Variants in GALNT17 observed in about 807,000 individuals in gnomAD.
GALNT17 encodes polypeptide N-acetylgalactosaminyltransferase 17, also known as UDP-GalNAc:polypeptide N-acetylgalactosaminyltransferase-like 3.
In GALNT17, 29 loss-of-function variants were observed where a neutral mutation model predicts 63.7. The ratio of observed to expected loss-of-function variants is 0.46; its 90% CI spans 0.34 to 0.62. The LOEUF is 0.62. GALNT17 is among the 20% of genes least tolerant of loss of function. GALNT17 has a pLI of 0.01. For synonymous variants in GALNT17, 305 were observed against 318.3 expected (o/e 0.96, Z 0.45); for missense variants, 603 against 799.6 (o/e 0.75, Z 2.97).
At chr7:71,543,457 C>G (rs2116811982) in intron 5 of GALNT17, among the ~76,000 whole-genome samples, 1 of 152,226 alleles carries the variant, frequency 6.6e-6, no homozygotes, top group East Asian at 1.9e-4. Flanking sequence ...CCGAGATTTG[C>G]AGGTGATTGG....
At chr7:71,301,562 A>G (rs7794396) in intron 1 of GALNT17, among the ~76,000 whole-genome samples, 1,839 of 151,758 alleles carry the variant, frequency 0.012, 39 homozygotes, top group African/African-American at 0.041. Flanking sequence ...CTGTCTTTCA[A>G]CTGATGTATA....
At chr7:71,328,694 T>G (rs926102839) in intron 1 of GALNT17, among the ~76,000 whole-genome samples, 2 of 151,318 alleles carry the variant, frequency 1.3e-5, no homozygotes, top group Admixed American at 6.6e-5. Context: ...TGTGGCAGAT[T>G]AAGTGGGGGT....
chr7:71,502,349 G>A (rs1308064396), intron 5 of GALNT17, among the ~76,000 whole-genome samples: 1 of 152,182 alleles, frequency 6.6e-6, no homozygotes, highest in African/African-American at 2.4e-5. Flanking sequence ...CATCGGAATT[G>A]GGAGAATCTT....
chr7:71,342,385 G>A (rs141142031), intron 2 of GALNT17, among the ~76,000 whole-genome samples: 57 of 152,232 alleles, frequency 3.7e-4, no homozygotes, highest in African/African-American at 1.3e-3. Flanking sequence ...CATTTATGGA[G>A]ATCCACCCCC....
intron 5 of GALNT17, among the ~76,000 whole-genome samples, chr7:71,542,967 C>G (rs907312354): frequency 6.6e-6 from 1 of 150,778 alleles, no homozygotes; most frequent in Non-Finnish European, 1.5e-5. Flanking sequence ...GAAATCAAAC[C>G]TGTTTGGTGT....
chr7:71,522,046 C>A (rs1242583216), intron 5 of GALNT17, among the ~76,000 whole-genome samples: 3 of 152,074 alleles, frequency 2.0e-5, no homozygotes. Flanking sequence ...AGCTAATTAG[C>A]GATGAGACCG....
Position 71,348,404 on chromosome 7 carries a change from C to G in GALNT17, c.422+12671C>G, listed in dbSNP as rs138911384. Among the ~76,000 whole-genome samples the G allele has an allele frequency of 1.1e-4, 16 of 152,342 alleles. No individual in the cohort carries two copies. The East Asian group carries it at 3.1e-3, about 29-fold the overall frequency. On this transcript the variant is annotated intron_variant, in intron 2 of 10. Transcript: ENST00000333538. ...TTCTTGGAACTTGAAAGTATTCTCA[C>G]CTGAAATGCGTTTAAAACAAAGTTA...
chr7:71,504,734 G>T (rs559118856), intron 5 of GALNT17, among the ~76,000 whole-genome samples: 63 of 151,956 alleles, frequency 4.1e-4, no homozygotes, highest in African/African-American at 1.5e-3. Flanking sequence ...GTATTTTTCA[G>T]TCTTTCAGTT....
intron 3 of GALNT17, among the ~76,000 whole-genome samples, chr7:71,410,948 T>G (rs1016736946): frequency 3.9e-5 from 6 of 152,210 alleles, no homozygotes; most frequent in Admixed American, 1.3e-4. Context: ...ATAACATTTA[T>G]TTTTGTCGAA....
chr7:71,670,241 A>AGAG, intron 8 of GALNT17, 132 bp downstream of exon 8: 7 of 1,235,128 alleles, frequency 5.7e-6, no homozygotes, highest in South Asian at 1.3e-5. Flanking sequence ...CCCTGATAGC[A>AGAG]AGATTCTCTC....
rs578100073 is a variant in GALNT17 at position 71,587,559 on chromosome 7, T to A, written c.1080+16157T>A. ...ACTATGTGAATATTTTTCTACTGTC[T>A]GTGGCTTGTCTGTTCATTTTCTTAT... is the stretch of plus-strand genomic sequence containing the variant. On this transcript the variant is annotated intron_variant, in intron 6 of 10. Transcript: ENST00000333538. 5.3e-4 allele frequency among the ~76,000 whole-genome samples: 80 copies of A among 152,314 alleles called. No individual in the cohort carries two copies. In the South Asian group the frequency reaches 0.01, roughly 19 times the overall value.
rs755860611 is a variant in GALNT17, at chr7:71,161,881, C to T, written c.238+28841C>T. Among the ~76,000 whole-genome samples the T allele has an allele frequency of 3.3e-4, 50 of 152,130 alleles. 2 individuals carry two copies. Among genetic ancestry groups the T allele is most frequent in the Middle Eastern group, 3.4e-3 (1 of 294 alleles). On this transcript the variant is annotated intron_variant, in intron 1 of 10. Coordinates refer to ENST00000333538, the MANE Select transcript of GALNT17 (RefSeq NM_022479.3). ...CGTTGTATCTGTACCGAATCATTGC[C>T]GCTTTATGTTAATTATAAGATGATA... is the stretch of plus-strand genomic sequence containing the variant.
intron 1 of GALNT17, among the ~76,000 whole-genome samples, chr7:71,217,236 A>G (rs1789501673): frequency 6.7e-6 from 1 of 150,220 alleles, no homozygotes; most frequent in African/African-American, 2.5e-5. Context: ...TGGCCTCCCA[A>G]AGTGCTGGGA....
chr7:71,553,099 C>T (rs10223923), intron 5 of GALNT17, among the ~76,000 whole-genome samples: 49,454 of 151,892 alleles, frequency 0.33, 8,828 homozygotes, highest in Middle Eastern at 0.41. Context: ...CCAAGGTGGG[C>T]GGATTGCCTG....
At chr7:71,356,490 C>T (rs1792288563) in intron 2 of GALNT17, among the ~76,000 whole-genome samples, 1 of 152,206 alleles carries the variant, frequency 6.6e-6, no homozygotes, top group Non-Finnish European at 1.5e-5. Context: ...TGTGCCCACT[C>T]TCAGAGGAGG....
chr7:71,441,196 T>C (rs1021761450), intron 5 of GALNT17, among the ~76,000 whole-genome samples: 3 of 152,142 alleles, frequency 2.0e-5, no homozygotes, highest in African/African-American at 7.2e-5. Context: ...CTGATTTTTG[T>C]ATTTTTAGTA....
At chr7:71,264,745 A>G (rs1395808004) in intron 1 of GALNT17, among the ~76,000 whole-genome samples, 2 of 152,022 alleles carry the variant, frequency 1.3e-5, no homozygotes, top group Non-Finnish European at 2.9e-5. Flanking sequence ...AACATATTGA[A>G]TGTTCTCACT....
intron 5 of GALNT17, among the ~76,000 whole-genome samples, chr7:71,536,071 G>A (rs1562680828): frequency 6.6e-6 from 1 of 152,184 alleles, no homozygotes; most frequent in Non-Finnish European, 1.5e-5. Flanking sequence ...GACTATTTGA[G>A]TCTGTTTTGG....
intron 6 of GALNT17, among the ~76,000 whole-genome samples, chr7:71,573,985 G>A (rs1031302292): frequency 5.3e-5 from 8 of 152,108 alleles, no homozygotes; most frequent in Non-Finnish European, 1.0e-4. Context: ...AGCTCCATCC[G>A]TGATCTCCTT....
Sources: allele counts gnomAD v4.1 joint callset (sites outside exome capture counted in the v4.1 genomes callset), GRCh38; gene constraint gnomAD v4.1.1; transcripts MANE v1.5; gene names NCBI Gene and HGNC (gene_info 2026-07-23, HGNC 2026-07-21).